ZNF618: variants seen among roughly 807,000 people sequenced by gnomAD.
The protein encoded by ZNF618 is neural precursor cell expressed, developmentally down-regulated 10.
A neutral mutation model predicts 103.0 loss-of-function variants in ZNF618; 34 were observed. That is an observed-to-expected ratio of 0.33 (90% CI 0.25 to 0.44). The LOEUF (loss-of-function observed/expected upper bound fraction) is 0.44. ZNF618 is among the 20% of genes least tolerant of loss of function. ZNF618 has a pLI of 1.00. For synonymous variants in ZNF618, 551 were observed against 542.2 expected (o/e 1.02, Z -0.23); for missense variants, 1,059 against 1,295.4 (o/e 0.82, Z 2.80).
intron 1 of ZNF618, among the ~76,000 whole-genome samples, chr9:113,964,125 A>G (rs1837128261): frequency 6.6e-6 from 1 of 152,168 alleles, no homozygotes; most frequent in Non-Finnish European, 1.5e-5. Context: ...CTGAGGCGCC[A>G]TCTTGGAAAT....
At chr9:114,015,264 TC>T (rs1270819343) in intron 9 of ZNF618, among the ~76,000 whole-genome samples, 1 of 152,230 alleles carries the variant, frequency 6.6e-6, no homozygotes, top group East Asian at 1.9e-4. Context: ...AATGTTGATA[TC>T]CTTAATCTAC....
intron 1 of ZNF618, among the ~76,000 whole-genome samples, chr9:113,945,843 G>A (rs930314602): frequency 5.3e-5 from 8 of 152,172 alleles, no homozygotes; most frequent in South Asian, 4.1e-4. Flanking sequence ...AAAATGTCTC[G>A]TAAAAAGTTA....
chr9:114,017,350 C>T (rs1036322595), intron 10 of ZNF618, among the ~76,000 whole-genome samples: 7 of 152,074 alleles, frequency 4.6e-5, no homozygotes, highest in Non-Finnish European at 1.0e-4. Flanking sequence ...GCGTCCTGAC[C>T]CTGGACCACC....
chr9:113,878,217 TAACAA>T (rs1377910378), intron 1 of ZNF618, among the ~76,000 whole-genome samples: 2 of 151,786 alleles, frequency 1.3e-5, no homozygotes, highest in Non-Finnish European at 2.9e-5. Context: ...TTTACTGACT[TAACAA>T]GAAAAAGATA....
intron 4 of ZNF618, among the ~76,000 whole-genome samples, chr9:114,001,675 C>T (rs1291097599): frequency 6.6e-6 from 1 of 152,202 alleles, no homozygotes; most frequent in Non-Finnish European, 1.5e-5. Flanking sequence ...TTTCAGAGCA[C>T]TTTTAACATT....
At chr9:113,933,861 C>T (rs1031562321) in intron 1 of ZNF618, among the ~76,000 whole-genome samples, 1 of 151,594 alleles carries the variant, frequency 6.6e-6, no homozygotes, top group Non-Finnish European at 1.5e-5. Context: ...CATGGCAGGG[C>T]AAGGGTGACA....
chr9:114,045,661 C>T (rs529916962), intron 13 of ZNF618, among the ~76,000 whole-genome samples: 1 of 152,084 alleles, frequency 6.6e-6, no homozygotes. Context: ...ATTCCTCCAA[C>T]GTTGTCCTTT....
At chr9:113,902,332 T>A (rs1241081048) in intron 1 of ZNF618, among the ~76,000 whole-genome samples, 3 of 152,208 alleles carry the variant, frequency 2.0e-5, no homozygotes, top group Non-Finnish European at 4.4e-5. Context: ...AGAACTCAGA[T>A]GCTACCTGTT....
chr9:114,014,788 TA>T (rs1407928880), intron 9 of ZNF618, among the ~76,000 whole-genome samples: 15 of 152,188 alleles, frequency 9.9e-5, no homozygotes, highest in African/African-American at 3.4e-4. Flanking sequence ...CAGTAGGTCT[TA>T]GGTGAGTCCT....
At chr9:114,016,597 C>A in intron 9 of ZNF618, 98 bp from the exon 10 acceptor site, 1 of 843,946 alleles carries the variant, frequency 1.2e-6, no homozygotes, top group Non-Finnish European at 1.9e-6. Context: ...TTGATGGTCC[C>A]AGAATGGGGA....
chr9:113,986,592 C>G (rs1348219031), intron 2 of ZNF618, among the ~76,000 whole-genome samples: 1 of 152,182 alleles, frequency 6.6e-6, no homozygotes, highest in Non-Finnish European at 1.5e-5. Context: ...TCTTTCCCTT[C>G]TTACAAAGCC....
intron 1 of ZNF618, among the ~76,000 whole-genome samples, chr9:113,879,917 G>C (rs560252872): frequency 5.9e-4 from 90 of 152,164 alleles, no homozygotes; most frequent in South Asian, 1.5e-3. Flanking sequence ...CTTGAACAAG[G>C]GTTCTTGCTT....
chr9:113,895,403 G>T (rs550013293), intron 1 of ZNF618, among the ~76,000 whole-genome samples: 1 of 152,206 alleles, frequency 6.6e-6, no homozygotes, highest in East Asian at 1.9e-4. Flanking sequence ...TATCCTGGAA[G>T]GAACCCATTT....
chr9:113,932,485 G>C (rs1308663602), intron 1 of ZNF618, among the ~76,000 whole-genome samples: 1 of 152,186 alleles, frequency 6.6e-6, no homozygotes, highest in East Asian at 1.9e-4. Context: ...ATGAGGGAAA[G>C]AATGGAAATT....
chr9:113,898,785 G>T (rs1280038276), intron 1 of ZNF618, among the ~76,000 whole-genome samples: 1 of 152,196 alleles, frequency 6.6e-6, no homozygotes, highest in Non-Finnish European at 1.5e-5. Context: ...GGTTAATGAG[G>T]TGAGGCTGAG....
chr9:113,876,546 G>T (rs930835569), intron 1 of ZNF618, 133 bp downstream of exon 1: 9 of 728,520 alleles, frequency 1.2e-5, no homozygotes, highest in Non-Finnish European at 1.6e-5. Context: ...TTTTGTGGGC[G>T]CAATCGGGAG....
At chr9:113,959,886 G>C (rs1836683799) in intron 1 of ZNF618, among the ~76,000 whole-genome samples, 2 of 152,292 alleles carry the variant, frequency 1.3e-5, no homozygotes, top group East Asian at 3.9e-4. Context: ...TGGGATTACA[G>C]GCGTGAGCCA....
In ZNF618 at chr9:113,974,974, G is replaced by A. The variant is rs148779453; in HGVS notation, c.77+5814G>A. 4.2e-3 allele frequency among the ~76,000 whole-genome samples: 637 copies of A among 152,254 alleles called. 4 individuals carry two copies. The highest frequency in any genetic ancestry group is 0.014 in the African/African-American group (592 of 41,538). On this transcript the variant is annotated intron_variant, in intron 2 of 14. Transcript: ENST00000374126. The stretch of plus-strand genomic sequence containing the variant: ...CCTCCTTCATAGTGTTGTCAATGAC[G>A]ATTAGGTGTAATAATATATATACCC...
chr9:113,953,087 A>G (rs968617298), intron 1 of ZNF618, among the ~76,000 whole-genome samples: 4 of 152,238 alleles, frequency 2.6e-5, no homozygotes, highest in Non-Finnish European at 5.9e-5. Flanking sequence ...GGTCTACTGT[A>G]TTAAAAAGGC....
Sources: allele counts gnomAD v4.1 joint callset (sites outside exome capture counted in the v4.1 genomes callset), GRCh38; gene constraint gnomAD v4.1.1; transcripts MANE v1.5; gene names NCBI Gene and HGNC (gene_info 2026-07-23, HGNC 2026-07-21).